MAGOHB: variants seen among roughly 807,000 people sequenced by gnomAD.
The protein encoded by MAGOHB is protein mago nashi homolog 2.
A neutral mutation model predicts 20.9 loss-of-function variants in MAGOHB; 15 were observed. The ratio of observed to expected loss-of-function variants is 0.72; its 90% CI spans 0.48 to 1.11. The LOEUF (loss-of-function observed/expected upper bound fraction) is 1.11, where lower values mean the gene tolerates loss of function less well. Ranked by LOEUF, MAGOHB falls within the 50% of genes least tolerant of loss-of-function variation. MAGOHB has a pLI of 0.00. For synonymous variants in MAGOHB, 50 were observed against 57.9 expected (o/e 0.86, Z 0.62); for missense variants, 162 against 177.6 (o/e 0.91, Z 0.50).
chr12:10,612,191 ATAACATAAC>A (rs1280301386), intron 1 of MAGOHB, among the ~76,000 whole-genome samples: 8 of 11,768 alleles, frequency 6.8e-4, no homozygotes, highest in African/African-American at 1.4e-3. Flanking sequence ...TCTACAAAAA[ATAACATAAC>A]ATAACATAAC....
At chr12:10,603,175 G>A (rs558982967), downstream of MAGOHB, among the ~76,000 whole-genome samples, 718 of 152,126 alleles carry the variant, frequency 4.7e-3, 1 homozygote, top group Non-Finnish European at 8.0e-3. Flanking sequence ...TTAGCCAGGC[G>A]TGGTGGCGGG....
At chr12:10,613,371 T>C in intron 1 of MAGOHB, 68 bp downstream of exon 1, 1 of 1,406,732 alleles carries the variant, frequency 7.1e-7, no homozygotes, top group South Asian at 1.2e-5. Context: ...GCCTGTACCC[T>C]CCACACCACC....
intron 4 of MAGOHB, 72 bp from the exon 5 acceptor site, chr12:10,606,446 A>C: frequency 1.3e-6 from 1 of 768,248 alleles, no homozygotes; most frequent in Non-Finnish European, 2.1e-6. Flanking sequence ...CTAAAACAAA[A>C]CAAATCAAAA....
chr12:10,612,638 A>G (rs1865768716), intron 1 of MAGOHB: 1 of 1,140,882 alleles, frequency 8.8e-7, no homozygotes, highest in Non-Finnish European at 1.1e-6. Flanking sequence ...TCATTACTGT[A>G]CCTTAAAATT....
downstream of MAGOHB, among the ~76,000 whole-genome samples, chr12:10,603,245 C>T (rs1173918757): frequency 3.6e-5 from 5 of 140,804 alleles, no homozygotes; most frequent in African/African-American, 1.3e-4. Flanking sequence ...ACCCCGGAGG[C>T]GGAGCTTGCA....
chr12:10,610,690 G>A lies in MAGOHB; in HGVS notation c.95-10C>T. 2 of 1,570,128 alleles carry A rather than the reference G, an allele frequency of 1.3e-6. No homozygotes were observed. The highest frequency in any genetic ancestry group is 1.7e-6 in the Non-Finnish European group (2 of 1,166,580). On this transcript the variant is annotated splice_polypyrimidine_tract_variant and intron_variant, in intron 1 of 4. Coordinates refer to ENST00000320756, the MANE Select transcript of MAGOHB (RefSeq NM_018048.5). ...GCATATCTAAGCTTTCCTGTGGGAAGTGGAAAAAAATCAATTTATAATAGC... is the reference window on the plus strand; with the variant it reads ...GCATATCTAAGCTTTCCTGTGGGAAATGGAAAAAAATCAATTTATAATAGC...
chr12:10,612,732 G>C, intron 1 of MAGOHB: 1 of 1,167,186 alleles, frequency 8.6e-7, no homozygotes, highest in Non-Finnish European at 1.1e-6. Context: ...CTTGTTGCAG[G>C]TAGGCAAGAT....
intron 3 of MAGOHB, 69 bp downstream of exon 3, chr12:10,609,762 A>G (rs917138962): frequency 2.0e-6 from 2 of 982,432 alleles, no homozygotes; most frequent in East Asian, 2.6e-5. Context: ...TTCCAAATAA[A>G]TAACGGGAAA....
Position 10,610,549 on chromosome 12 carries a change from C to T in MAGOHB, c.153+73G>A, listed in dbSNP as rs541000986. 28 of 1,337,026 alleles carry T rather than the reference C, an allele frequency of 2.1e-5. No homozygotes were observed. The African/African-American group carries it at 5.1e-4, about 24-fold the overall frequency. The allele number at this position is 1,337,026 out of a possible 1,614,324, so 82.8% of individuals were successfully genotyped here. A position where few individuals can be genotyped will look rare whatever the true frequency, so the allele number is the denominator to read the frequency against. On this transcript the variant is annotated intron_variant, in intron 2 of 4. Coordinates refer to ENST00000320756, the MANE Select transcript of MAGOHB (RefSeq NM_018048.5). ...CTTAGATGTACTTTTTTAAATTCAA[C>T]ACAGACTTGAAGAAAATGGGCTAAA...
At chr12:10,609,978 C>A in intron 2 of MAGOHB, 37 bp from the exon 3 acceptor site, 5 of 1,133,940 alleles carry the variant, frequency 4.4e-6, no homozygotes, top group Non-Finnish European at 6.4e-6. Context: ...ATAATGCCCA[C>A]CTATGTCACC....
chr12:10,611,354 C>T (rs1026446), intron 1 of MAGOHB, among the ~76,000 whole-genome samples: 107,934 of 152,064 alleles, frequency 0.71, 39,030 homozygotes, highest in East Asian at 0.99. Flanking sequence ...ATCATGATTG[C>T]TGTATTATCT....
At chr12:10,612,136 C>T (rs894964498) in intron 1 of MAGOHB, among the ~76,000 whole-genome samples, 5 of 151,876 alleles carry the variant, frequency 3.3e-5, no homozygotes, top group Admixed American at 3.3e-4. Flanking sequence ...GATCCCTTGA[C>T]CTCAGGGGTT....
intron 1 of MAGOHB, chr12:10,612,976 G>C: frequency 7.8e-7 from 1 of 1,282,906 alleles, no homozygotes; most frequent in Non-Finnish European, 1.0e-6. Context: ...CTCTTCATGC[G>C]TCCTATGGTG....
At chr12:10,610,818 TGCTAGACA>T in intron 1 of MAGOHB, 138 bp from the exon 2 acceptor site, 1 of 737,008 alleles carries the variant, frequency 1.4e-6, no homozygotes, top group Non-Finnish European at 1.9e-6. Flanking sequence ...GTAAGATCAT[TGCTAGACA>T]TGTAGACAAT....
chr12:10,612,457 G>T (rs1865765928), intron 1 of MAGOHB, among the ~76,000 whole-genome samples: 1 of 151,956 alleles, frequency 6.6e-6, no homozygotes, highest in Admixed American at 6.5e-5. Flanking sequence ...TGCCTGAAAT[G>T]CTTGATACTC....
downstream of MAGOHB, among the ~76,000 whole-genome samples, chr12:10,600,058 G>T (rs1445758511): frequency 3.3e-5 from 5 of 151,814 alleles, no homozygotes; most frequent in Non-Finnish European, 5.9e-5. Context: ...TTTTTTAAAA[G>T]TTCCTTTTTC....
Position 10,606,019 on chromosome 12 carries a change from T to G in MAGOHB, c.*256A>C. 4.3e-6 allele frequency: 1 copy of G among 234,608 alleles called. No individual in the cohort carries two copies. The highest frequency in any genetic ancestry group is 8.4e-5 in the East Asian group (1 of 11,890). 14.5% of individuals were successfully genotyped at this position (234,608 alleles called of 1,614,324 possible). On this transcript the variant is annotated 3_prime_UTR_variant, in exon 5 of 5. Coordinates refer to ENST00000320756, the MANE Select transcript of MAGOHB (RefSeq NM_018048.5). ...CAAAAAACTACTCTGCAACCAGGAT[T>G]TGGTATGTTTTATTAGAGCAAATTT...
downstream of MAGOHB, among the ~76,000 whole-genome samples, chr12:10,599,941 CTA>C (rs1555144947): frequency 6.6e-6 from 1 of 152,000 alleles, no homozygotes; most frequent in Non-Finnish European, 1.5e-5. Context: ...ACTGAAATGT[CTA>C]TGTATAAAAA....
chr12:10,613,310 T>C, intron 1 of MAGOHB, 129 bp downstream of exon 1: 1 of 777,188 alleles, frequency 1.3e-6, no homozygotes, highest in South Asian at 1.5e-5. Flanking sequence ...AACTTATGCC[T>C]CCTCTATTCT....
Sources: allele counts gnomAD v4.1 joint callset (sites outside exome capture counted in the v4.1 genomes callset), GRCh38; gene constraint gnomAD v4.1.1; transcripts MANE v1.5; gene names NCBI Gene and HGNC (gene_info 2026-07-23, HGNC 2026-07-21).